The following FOXP1 variants were observed in gnomAD, a reference collection of about 807,000 sequenced individuals.
FOXP1 encodes forkhead box P1, also known as forkhead box protein P1.
In FOXP1, 15 loss-of-function variants were observed where a neutral mutation model predicts 98.2. The ratio of observed to expected loss-of-function variants is 0.15; its 90% CI spans 0.10 to 0.24. The LOEUF is 0.24. Among genes scored for constraint, FOXP1 ranks in the 10% least tolerant of loss-of-function variants. The pLI, the probability that FOXP1 is intolerant of heterozygous loss-of-function variation, is 1.00. For missense variants in FOXP1, 633 were observed against 848.5 expected (o/e 0.75, Z 3.15); for synonymous variants, 371 against 314.5 (o/e 1.18, Z -1.90).
intron 3 of FOXP1, among the ~76,000 whole-genome samples, chr3:71,428,135 C>T (rs2084333881): frequency 6.6e-6 from 1 of 152,114 alleles, no homozygotes; most frequent in Admixed American, 6.5e-5. Context: ...CCCTTTTCCT[C>T]CCGTAGGAGG....
chr3:71,583,427 T>G lies in FOXP1; in HGVS notation c.-447+144A>C, dbSNP rs545407943. 2,890 of 729,770 alleles carry G rather than the reference T, an allele frequency of 4.0e-3. 8 individuals carry two copies. The highest frequency in any genetic ancestry group is 5.5e-3 in the Middle Eastern group (8 of 1,458). The allele number at this position is 729,770 out of a possible 1,614,324, so 45.2% of individuals were successfully genotyped here. A position where few individuals can be genotyped will look rare whatever the true frequency, so the allele number is the denominator to read the frequency against. ...GGAGCCTGGAGGTGGAAAGTAGTTG[T>G]TTTTTTTTTTCCATTTTTTTTCTCT... On this transcript the variant is annotated intron_variant, in intron 1 of 20. Transcript: ENST00000649528.
rs150651314 is a variant in FOXP1 at position 71,085,581 on chromosome 3, T to C, written c.282+26955A>G. Among the ~76,000 whole-genome samples the C allele has an allele frequency of 6.5e-3, 993 of 152,086 alleles. 10 individuals are homozygous for C. Among genetic ancestry groups the C allele is most frequent in the Admixed American group, 0.022 (339 of 15,270 alleles). Reference sequence around the variant, plus strand: ...GCTTCAGCTTTTTACTATTAAGGAATATTATATTAGAATCATCAACAACAA... The same window carrying C: ...GCTTCAGCTTTTTACTATTAAGGAACATTATATTAGAATCATCAACAACAA... On this transcript the variant is annotated intron_variant, in intron 7 of 20. Transcript: ENST00000649528.
intron 6 of FOXP1, among the ~76,000 whole-genome samples, chr3:71,137,528 G>A (rs1410415328): frequency 6.6e-6 from 1 of 152,154 alleles, no homozygotes; most frequent in Non-Finnish European, 1.5e-5. Context: ...AGAAATGCCT[G>A]TTCTGATTGT....
At chr3:71,580,830 T>C (rs1221858090) in intron 2 of FOXP1, 1 of 985,300 alleles carries the variant, frequency 1.0e-6, no homozygotes, top group Non-Finnish European at 1.2e-6. Context: ...AATGGTGAAG[T>C]GTAGACGGTT....
chr3:71,108,985 G>A (rs1159039074), intron 7 of FOXP1, among the ~76,000 whole-genome samples: 1 of 152,134 alleles, frequency 6.6e-6, no homozygotes, highest in Non-Finnish European at 1.5e-5. Context: ...TTATGATGGG[G>A]CCAATTTTCA....
chr3:71,399,142 A>T (rs1403985953), intron 3 of FOXP1, among the ~76,000 whole-genome samples: 4 of 152,254 alleles, frequency 2.6e-5, no homozygotes, highest in African/African-American at 9.6e-5. Context: ...ATTTGGGTTT[A>T]TGAAATTTAA....
chr3:71,504,192 T>C (rs2041634867), intron 2 of FOXP1, among the ~76,000 whole-genome samples: 1 of 152,078 alleles, frequency 6.6e-6, no homozygotes, highest in Non-Finnish European at 1.5e-5. Context: ...AAAAACACTT[T>C]GGGGGATAAC....
At chr3:71,279,192 A>AAAAAAAAAAAAAC (rs368277709) in intron 5 of FOXP1, among the ~76,000 whole-genome samples, 18 of 139,424 alleles carry the variant, frequency 1.3e-4, no homozygotes, top group East Asian at 2.3e-4. Flanking sequence ...AAAAAAAAAA[A>AAAAAAAAAAAAAC]AGAAAGAAAT....
chr3:71,107,047 G>A (rs2057497355), intron 7 of FOXP1, among the ~76,000 whole-genome samples: 1 of 152,190 alleles, frequency 6.6e-6, no homozygotes, highest in South Asian at 2.1e-4. Context: ...GGGATTACAG[G>A]TGTGAGCCAC....
At chr3:71,559,037 C>T (rs1463105025) in intron 2 of FOXP1, among the ~76,000 whole-genome samples, 1 of 152,156 alleles carries the variant, frequency 6.6e-6, no homozygotes, top group Non-Finnish European at 1.5e-5. Flanking sequence ...ATCTCCTGAC[C>T]TTGTGATCCG....
At chr3:70,965,406 C>G (rs1416904002) in intron 20 of FOXP1, among the ~76,000 whole-genome samples, 1 of 152,232 alleles carries the variant, frequency 6.6e-6, no homozygotes, top group Admixed American at 6.5e-5. Context: ...TAAGAGCAAT[C>G]TATAAATCAT....
intron 6 of FOXP1, among the ~76,000 whole-genome samples, chr3:71,149,702 C>T (rs2060481195): frequency 6.6e-6 from 1 of 152,158 alleles, no homozygotes; most frequent in Non-Finnish European, 1.5e-5. Context: ...TAATTCAGCT[C>T]GTGATGTAAA....
At chr3:71,130,903 ACACAGCACACGCAGTGCG>A (rs1306387092) in intron 6 of FOXP1, 2 of 1,365,820 alleles carry the variant, frequency 1.5e-6, no homozygotes, top group Non-Finnish European at 1.9e-6. Flanking sequence ...GCAAGCAGCG[ACACAGCACACGCAGTGCG>A]CCCTGGCTAG....
At chr3:71,157,130 C>G (rs367804449) in intron 6 of FOXP1, among the ~76,000 whole-genome samples, 2 of 152,212 alleles carry the variant, frequency 1.3e-5, no homozygotes, top group African/African-American at 2.4e-5. Flanking sequence ...GGCTTCAGGT[C>G]TGGATCTAAC....
At chr3:71,253,815 G>A (rs1020946373) in intron 5 of FOXP1, among the ~76,000 whole-genome samples, 2 of 152,152 alleles carry the variant, frequency 1.3e-5, no homozygotes, top group Admixed American at 1.3e-4. Context: ...CGTTAAAAAT[G>A]TAATTAATTA....
intron 7 of FOXP1, among the ~76,000 whole-genome samples, chr3:71,067,388 CA>C (rs1278088269): frequency 1.3e-5 from 2 of 152,038 alleles, no homozygotes; most frequent in Non-Finnish European, 2.9e-5. Context: ...ATGTTAAAAC[CA>C]ATAGTAACTC....
At chr3:71,581,086 G>A (rs2048125095) in intron 2 of FOXP1, 1 of 966,342 alleles carries the variant, frequency 1.0e-6, no homozygotes, top group South Asian at 4.8e-5. Context: ...TAGGGAAGAG[G>A]AAGAAATAAG....
intron 7 of FOXP1, among the ~76,000 whole-genome samples, chr3:71,061,341 A>G (rs969582321): frequency 3.3e-5 from 5 of 152,228 alleles, no homozygotes; most frequent in Non-Finnish European, 7.4e-5. Flanking sequence ...TCACCAATGT[A>G]ACTTGCAGTC....
At chr3:71,166,903 G>T (rs1248018168) in intron 6 of FOXP1, among the ~76,000 whole-genome samples, 1 of 152,064 alleles carries the variant, frequency 6.6e-6, no homozygotes, top group East Asian at 1.9e-4. Context: ...TCATGCTCCA[G>T]TGTTTTTCCA....
Sources: allele counts gnomAD v4.1 joint callset (sites outside exome capture counted in the v4.1 genomes callset), GRCh38; gene constraint gnomAD v4.1.1; transcripts MANE v1.5; gene names NCBI Gene and HGNC (gene_info 2026-07-23, HGNC 2026-07-21).